Variants in COX16 observed in about 807,000 individuals in gnomAD.
The protein encoded by COX16 is cytochrome c oxidase assembly protein COX16 homolog, mitochondrial.
In COX16, 12 loss-of-function variants were observed where a neutral mutation model predicts 15.4. That is an observed-to-expected ratio of 0.78 (90% CI 0.50 to 1.26). The LOEUF is 1.26. COX16 is among the 50% of genes most tolerant of loss of function. The probability of loss-of-function intolerance (pLI) is 0.00; values close to 1 mark genes in which losing one functional copy is unlikely to be tolerated. For missense variants in COX16, 124 were observed against 127.6 expected (o/e 0.97, Z 0.14); for synonymous variants, 46 against 41.1 (o/e 1.12, Z -0.46).
At chr14:70,345,268 A>T (rs1329133538) in intron 1 of COX16, among the ~76,000 whole-genome samples, 1 of 152,218 alleles carries the variant, frequency 6.6e-6, no homozygotes, top group Non-Finnish European at 1.5e-5. Flanking sequence ...CCGAATATCC[A>T]GTGTTGGTCC....
chr14:70,350,883 A>T (rs1440405016), intron 1 of COX16, among the ~76,000 whole-genome samples: 3 of 152,238 alleles, frequency 2.0e-5, no homozygotes, highest in African/African-American at 7.2e-5. Context: ...AACTTTGTTA[A>T]TACCAAATGC....
chr14:70,354,287 G>A (rs1887058216), intron 1 of COX16, among the ~76,000 whole-genome samples: 1 of 152,214 alleles, frequency 6.6e-6, no homozygotes, highest in South Asian at 2.1e-4. Context: ...ATGTCAAAAT[G>A]TAAGATTTGT....
chr14:70,342,529 AC>A (rs1886654054), intron 2 of COX16, 128 bp downstream of exon 2: 1 of 805,390 alleles, frequency 1.2e-6, no homozygotes, highest in African/African-American at 1.8e-5. Flanking sequence ...AAAGAAAAAA[AC>A]AAAGATCACA....
intron 1 of COX16, among the ~76,000 whole-genome samples, chr14:70,344,965 G>A (rs1886731697): frequency 6.6e-6 from 1 of 152,144 alleles, no homozygotes; most frequent in South Asian, 2.1e-4. Flanking sequence ...CATCAAAACA[G>A]CATGTTGCTC....
chr14:70,341,029 G>T (rs1353727865), intron 2 of COX16, among the ~76,000 whole-genome samples: 1 of 151,870 alleles, frequency 6.6e-6, no homozygotes, highest in Non-Finnish European at 1.5e-5. Context: ...TTTACTTGCA[G>T]CATCTAACAA....
chr14:70,325,666 ATG>A lies in COX16; in HGVS notation c.*665_*666del, dbSNP rs1886043918. 1 of 146,892 alleles carries A rather than the reference ATG, an allele frequency of 6.8e-6. No homozygotes were observed. Among genetic ancestry groups the A allele is most frequent in the South Asian group, 2.2e-4 (1 of 4,508 alleles). 9.1% of individuals were successfully genotyped at this position (146,892 alleles called of 1,614,324 possible). A position where few individuals can be genotyped will look rare whatever the true frequency, so the allele number is the denominator to read the frequency against. The stretch of plus-strand genomic sequence containing the variant: ...TAGTATTATCTTAGTATTTCTCAAA[ATG>A]TAGTCATCTATGGATTTACTGAACA... On this transcript the variant is annotated 3_prime_UTR_variant, in exon 4 of 4. Transcript: ENST00000389912.
chr14:70,340,996 T>C (rs1037195831), intron 2 of COX16, among the ~76,000 whole-genome samples: 2 of 152,198 alleles, frequency 1.3e-5, no homozygotes, highest in Non-Finnish European at 2.9e-5. Context: ...TTATAAACTT[T>C]ATAAGTACTA....
At chr14:70,342,620 T>C (rs1331990471) in intron 2 of COX16, 38 bp downstream of exon 2, 7 of 1,597,704 alleles carry the variant, frequency 4.4e-6, no homozygotes, top group South Asian at 2.3e-5. Context: ...AACATACATA[T>C]AGACAGACAC....
At chr14:70,344,722 A>G (rs935722029) in intron 1 of COX16, among the ~76,000 whole-genome samples, 3 of 152,172 alleles carry the variant, frequency 2.0e-5, no homozygotes, top group Admixed American at 1.3e-4. Context: ...CCCAGTCCCA[A>G]GGCACAAGGC....
chr14:70,357,158 C>CATAAAAAAA (rs1887150405), intron 1 of COX16, among the ~76,000 whole-genome samples: 1 of 78,700 alleles, frequency 1.3e-5, no homozygotes, highest in Non-Finnish European at 2.4e-5. Context: ...AAGCGTTTGT[C>CATAAAAAAA]AAAAAAAAAA....
chr14:70,344,279 CAAAGGCAGA>C (rs1249254336), intron 1 of COX16, among the ~76,000 whole-genome samples: 1 of 152,208 alleles, frequency 6.6e-6, no homozygotes, highest in African/African-American at 2.4e-5. Flanking sequence ...GTTGGTCCTG[CAAAGGCAGA>C]CTGGTCCCCA....
At chr14:70,337,312 C>T (rs1210065033) in intron 2 of COX16, among the ~76,000 whole-genome samples, 1 of 151,918 alleles carries the variant, frequency 6.6e-6, no homozygotes, top group African/African-American at 2.4e-5. Flanking sequence ...TGTTTTCCTC[C>T]AGGAAAGGCT....
intron 2 of COX16, among the ~76,000 whole-genome samples, chr14:70,330,147 G>GTTGA (rs1235405885): frequency 6.6e-6 from 1 of 152,050 alleles, no homozygotes; most frequent in Admixed American, 6.6e-5. Context: ...TCAAAGTGAA[G>GTTGA]TTGATTAAGA....
In COX16 at chr14:70,346,552, ACCT is replaced by A. The variant is rs1886788559; in HGVS notation, c.70-3826_70-3824del. Among the ~76,000 whole-genome samples, 4 of 151,976 alleles carry A rather than the reference ACCT, an allele frequency of 2.6e-5. No homozygotes were observed. In the South Asian group the frequency reaches 6.2e-4, roughly 24 times the overall value. Reference sequence around the variant, plus strand: ...CCCATCACTTCCTAAGCCGGCCAAAACCTCCTACTTGGATCTCATTGGCCTTGC... The same window carrying A: ...CCCATCACTTCCTAAGCCGGCCAAAACCTACTTGGATCTCATTGGCCTTGC... On this transcript the variant is annotated intron_variant, in intron 1 of 3. Coordinates refer to ENST00000389912, the MANE Select transcript of COX16 (RefSeq NM_016468.7).
intron 2 of COX16, among the ~76,000 whole-genome samples, chr14:70,332,823 A>G (rs1886332215): frequency 6.6e-6 from 1 of 152,226 alleles, no homozygotes; most frequent in Non-Finnish European, 1.5e-5. Context: ...CATCCTGCCT[A>G]TGCAGAGAAC....
At chr14:70,332,756 G>A (rs975657387) in intron 2 of COX16, among the ~76,000 whole-genome samples, 2 of 152,228 alleles carry the variant, frequency 1.3e-5, no homozygotes, top group African/African-American at 2.4e-5. Flanking sequence ...CCTTCCCACA[G>A]CAGATCCAGA....
chr14:70,332,076 C>G (rs1886308610), intron 2 of COX16, among the ~76,000 whole-genome samples: 1 of 152,224 alleles, frequency 6.6e-6, no homozygotes, highest in Non-Finnish European at 1.5e-5. Context: ...TAGCTATAGC[C>G]CCATTTGGCC....
rs547055813 is a variant in COX16, at chr14:70,326,058, C to T, written c.*275G>A. 32 of 186,870 alleles carry T rather than the reference C, an allele frequency of 1.7e-4. No homozygotes were observed. Among genetic ancestry groups the T allele is most frequent in the Non-Finnish European group, 3.0e-4 (27 of 91,438 alleles). 11.6% of individuals were successfully genotyped at this position (186,870 alleles called of 1,614,324 possible). On this transcript the variant is annotated 3_prime_UTR_variant, in exon 4 of 4. Coordinates refer to ENST00000389912, the MANE Select transcript of COX16 (RefSeq NM_016468.7). ...ATGTGGGTAGTTGGAGAGTGGAATACGTGACTCTGTTTTTGGAGCAGTATT... is the reference window on the plus strand; with the variant it reads ...ATGTGGGTAGTTGGAGAGTGGAATATGTGACTCTGTTTTTGGAGCAGTATT...
intron 1 of COX16, among the ~76,000 whole-genome samples, chr14:70,342,970 T>C (rs1459139950): frequency 6.6e-6 from 1 of 152,248 alleles, no homozygotes; most frequent in Admixed American, 6.5e-5. Flanking sequence ...TATTTGACCT[T>C]ATGATTTAAA....
Sources: allele counts gnomAD v4.1 joint callset (sites outside exome capture counted in the v4.1 genomes callset), GRCh38; gene constraint gnomAD v4.1.1; transcripts MANE v1.5; gene names NCBI Gene and HGNC (gene_info 2026-07-23, HGNC 2026-07-21).